The following NTM variants were observed in gnomAD, a reference collection of about 807,000 sequenced individuals.
NTM encodes the protein IgLON family member 2.
A neutral mutation model predicts 42.1 loss-of-function variants in NTM; 13 were observed. The ratio of observed to expected loss-of-function variants is 0.31; its 90% CI spans 0.20 to 0.49. NTM has a LOEUF of 0.49. Ranked by LOEUF, NTM falls within the 20% of genes least tolerant of loss-of-function variation. The pLI, the probability that NTM is intolerant of heterozygous loss-of-function variation, is 0.99. For missense variants in NTM, 373 were observed against 452.8 expected (o/e 0.82, Z 1.60); for synonymous variants, 187 against 179.2 (o/e 1.04, Z -0.35).
chr11:132,021,489 A>G (rs142104687), intron 2 of NTM, among the ~76,000 whole-genome samples: 182 of 152,222 alleles, frequency 1.2e-3, no homozygotes, highest in Middle Eastern at 3.4e-3. Flanking sequence ...ATATTTTAGC[A>G]AATATTCCTA....
At chr11:131,811,705 C>A (rs75383178) in intron 1 of NTM, among the ~76,000 whole-genome samples, 1 of 152,010 alleles carries the variant, frequency 6.6e-6, no homozygotes, top group African/African-American at 2.4e-5. Flanking sequence ...CAGAGTGAGT[C>A]GTGATGGATG....
intron 3 of NTM, among the ~76,000 whole-genome samples, chr11:132,162,899 G>A (rs960250722): frequency 6.6e-6 from 1 of 152,034 alleles, no homozygotes; most frequent in Non-Finnish European, 1.5e-5. Flanking sequence ...AGTGATAGGC[G>A]TGATGGACAT....
chr11:131,370,947 T>A (rs975603003), intron 1 of NTM, 59 bp downstream of exon 1: 3 of 1,603,384 alleles, frequency 1.9e-6, no homozygotes, highest in African/African-American at 2.7e-5. Context: ...GTGTGCTTTA[T>A]AAGATTTGCA....
intron 1 of NTM, among the ~76,000 whole-genome samples, chr11:131,654,711 G>T (rs1458070977): frequency 6.6e-6 from 1 of 151,924 alleles, no homozygotes; most frequent in Admixed American, 6.6e-5. Context: ...TTGTTAAAAA[G>T]GGCCTGGCAC....
At chr11:131,851,539 G>GTGTT (rs2045552795) in intron 1 of NTM, among the ~76,000 whole-genome samples, 2 of 150,156 alleles carry the variant, frequency 1.3e-5, no homozygotes, top group Admixed American at 1.3e-4. Flanking sequence ...TGGCGTGTGT[G>GTGTT]TGTGTGTGTG....
chr11:131,418,321 T>C (rs766849253), intron 1 of NTM, among the ~76,000 whole-genome samples: 18 of 152,352 alleles, frequency 1.2e-4, no homozygotes, highest in Middle Eastern at 3.4e-3. Flanking sequence ...GCGTTTTGCA[T>C]GGGCTTCAGG....
intron 1 of NTM, among the ~76,000 whole-genome samples, chr11:131,893,876 C>T (rs555791109): frequency 6.6e-6 from 1 of 152,202 alleles, no homozygotes; most frequent in African/African-American, 2.4e-5. Flanking sequence ...ATCACCTAAC[C>T]ATGATCAAAG....
intron 1 of NTM, among the ~76,000 whole-genome samples, chr11:131,472,673 G>T (rs1157677734): frequency 6.6e-6 from 1 of 152,086 alleles, no homozygotes; most frequent in Non-Finnish European, 1.5e-5. Context: ...AGGAGAAGGG[G>T]GTAAGTGTAA....
In NTM at chr11:131,795,829, C is replaced by T. The variant is rs1185806182; in HGVS notation, c.83-115735C>T. The T allele has an allele frequency of 5.1e-6, 5 of 985,350 alleles. No homozygotes were observed. The East Asian group carries it at 5.7e-4, about 112-fold the overall frequency. The allele number at this position is 985,350 out of a possible 1,614,324, so 61.0% of individuals were successfully genotyped here. Reference sequence around the variant, plus strand: ...ACAGAACTCTCAGAGTGATGGAATGCCTGCACCATGGCAAGAATGCACAGG... The same window carrying T: ...ACAGAACTCTCAGAGTGATGGAATGTCTGCACCATGGCAAGAATGCACAGG... On this transcript the variant is annotated intron_variant, in intron 1 of 8. Transcript: ENST00000683400.
At chr11:131,598,830 T>TTCC (rs1565686344) in intron 1 of NTM, among the ~76,000 whole-genome samples, 3 of 32,836 alleles carry the variant, frequency 9.1e-5, no homozygotes, top group African/African-American at 1.1e-4. Flanking sequence ...TTCTTTCTTC[T>TTCC]TTCTTTCTTT....
At chr11:132,078,668 C>A (rs2058663768) in intron 2 of NTM, among the ~76,000 whole-genome samples, 1 of 152,192 alleles carries the variant, frequency 6.6e-6, no homozygotes, top group Admixed American at 6.5e-5. Flanking sequence ...GTTTTACATT[C>A]AGCAGAGGAC....
chr11:132,086,273 G>A (rs1054594536), intron 2 of NTM, among the ~76,000 whole-genome samples: 17 of 141,090 alleles, frequency 1.2e-4, no homozygotes, highest in Admixed American at 1.1e-3. Flanking sequence ...GCAGTGAGCC[G>A]AGATCATGCC....
chr11:131,794,903 G>A (rs1414638531), intron 1 of NTM: 1 of 985,274 alleles, frequency 1.0e-6, no homozygotes, highest in Non-Finnish European at 1.2e-6. Context: ...TGTCACTGCA[G>A]GGAGTGTTGG....
At chr11:131,506,318 A>G (rs1165288593) in intron 1 of NTM, among the ~76,000 whole-genome samples, 1 of 152,066 alleles carries the variant, frequency 6.6e-6, no homozygotes, top group Non-Finnish European at 1.5e-5. Context: ...GATCATCCAA[A>G]CTGGGGAAGG....
At chr11:131,512,373 C>T (rs1241646552) in intron 1 of NTM, among the ~76,000 whole-genome samples, 1 of 152,220 alleles carries the variant, frequency 6.6e-6, no homozygotes, top group Non-Finnish European at 1.5e-5. Flanking sequence ...GTCTGCTCCC[C>T]TTGCTCTGTG....
At chr11:132,016,818 A>T (rs1221408575) in intron 2 of NTM, among the ~76,000 whole-genome samples, 2 of 151,774 alleles carry the variant, frequency 1.3e-5, no homozygotes, top group African/African-American at 4.8e-5. Flanking sequence ...TACTGTCTTT[A>T]TTTTTTATTA....
chr11:132,320,764 T>A (rs538931346), intron 7 of NTM, among the ~76,000 whole-genome samples: 21 of 151,928 alleles, frequency 1.4e-4, no homozygotes, highest in African/African-American at 4.8e-4. Context: ...CTCTGCAGAC[T>A]TAAATGTCCC....
intron 2 of NTM, among the ~76,000 whole-genome samples, chr11:131,971,258 C>G (rs1593278596): frequency 6.6e-6 from 1 of 151,312 alleles, no homozygotes; most frequent in Non-Finnish European, 1.5e-5. Context: ...ATTTTTAAAA[C>G]CATGTTCACG....
chr11:131,604,792 A>G (rs2060797116), intron 1 of NTM, among the ~76,000 whole-genome samples: 2 of 151,854 alleles, frequency 1.3e-5, no homozygotes, highest in African/African-American at 2.4e-5. Context: ...TTGTCCTAGC[A>G]TCAGTTTTTA....
Sources: gnomAD v4.1 joint callset for allele counts (sites outside exome capture counted in the v4.1 genomes callset) on GRCh38, gnomAD v4.1.1 for gene constraint, MANE v1.5 for transcripts, NCBI Gene and HGNC (gene_info 2026-07-23, HGNC 2026-07-21) for gene names.